Variants in SEMA3A observed in about 807,000 individuals in gnomAD.
SEMA3A encodes semaphorin 3A.
Under a neutral mutation model 97.9 loss-of-function variants are expected in SEMA3A, and 29 were observed. That is an observed-to-expected ratio of 0.30 (90% CI 0.22 to 0.40). SEMA3A has a LOEUF of 0.40. SEMA3A is among the 10% of genes least tolerant of loss of function. The pLI is 1.00. For missense variants in SEMA3A, 763 were observed against 951.3 expected (o/e 0.80, Z 2.60); for synonymous variants, 321 against 323.7 (o/e 0.99, Z 0.09).
At chr7:84,091,192 GAA>G (rs760963691) in intron 4 of SEMA3A, among the ~76,000 whole-genome samples, 3 of 68,376 alleles carry the variant, frequency 4.4e-5, no homozygotes, top group East Asian at 4.2e-4. Flanking sequence ...AAGAAAGAAA[GAA>G]AGAAAGAAAG....
At chr7:84,408,211 C>A (rs1157737252) in intron 1 of SEMA3A, among the ~76,000 whole-genome samples, 2 of 152,092 alleles carry the variant, frequency 1.3e-5, no homozygotes, top group African/African-American at 4.8e-5. Context: ...AAACAAACAA[C>A]CCCATCAACA....
At position 84,407,701 on chromosome 7, in the gene SEMA3A, G is replaced by A. The variant is rs1446694061; in HGVS notation, c.-245-35801C>T. ...GTACTGGTACCAAAACAGAGATGTA[G>A]ACCAATGGAACAGAATAGAGCCCTC... On this transcript the variant is annotated intron_variant, in intron 1 of 3. Coordinates refer to the SEMA3A transcript ENST00000424555. Among the ~76,000 whole-genome samples, 5 of 152,076 alleles carry A rather than the reference G, an allele frequency of 3.3e-5. No homozygotes were observed. The South Asian group carries it at 6.2e-4, about 19-fold the overall frequency.
At chr7:84,112,500 A>C (rs1408367195) in intron 3 of SEMA3A, among the ~76,000 whole-genome samples, 1 of 152,170 alleles carries the variant, frequency 6.6e-6, no homozygotes, top group Non-Finnish European at 1.5e-5. Context: ...GAAATATGAC[A>C]GTGAACTTAC....
chr7:84,262,835 A>G (rs1302561654), intron 3 of SEMA3A, among the ~76,000 whole-genome samples: 1 of 152,204 alleles, frequency 6.6e-6, no homozygotes, highest in Non-Finnish European at 1.5e-5. Flanking sequence ...TGTCAGATGA[A>G]TATTTCAGGA....
intron 2 of SEMA3A, among the ~76,000 whole-genome samples, chr7:84,360,478 C>T (rs1309061025): frequency 6.6e-6 from 1 of 151,982 alleles, no homozygotes; most frequent in Non-Finnish European, 1.5e-5. Context: ...ATCCTGAGTT[C>T]TAGTTTGATT....
At chr7:84,282,015 T>C (rs1159146805) in intron 3 of SEMA3A, among the ~76,000 whole-genome samples, 1 of 152,132 alleles carries the variant, frequency 6.6e-6, no homozygotes, top group Non-Finnish European at 1.5e-5. Flanking sequence ...TGGAATTTCT[T>C]GATTGTCCAT....
chr7:84,214,300 C>T (rs1798695563), intron 3 of SEMA3A, among the ~76,000 whole-genome samples: 1 of 152,190 alleles, frequency 6.6e-6, no homozygotes, highest in Non-Finnish European at 1.5e-5. Context: ...TTCCTCTATA[C>T]AGTTGCAACT....
chr7:84,002,079 T>TAAGTA, intron 11 of SEMA3A, 33 bp from the exon 12 acceptor site: 2 of 1,239,890 alleles, frequency 1.6e-6, no homozygotes, highest in South Asian at 2.4e-5. Context: ...GACCACAAGT[T>TAAGTA]AAGTAGATCT....
At chr7:84,271,050 G>A (rs1800139979) in intron 3 of SEMA3A, among the ~76,000 whole-genome samples, 1 of 151,940 alleles carries the variant, frequency 6.6e-6, no homozygotes, top group South Asian at 2.1e-4. Context: ...ACAAATTTAA[G>A]AATAATTAAA....
At chr7:83,999,960 G>A (rs564600030) in intron 12 of SEMA3A, among the ~76,000 whole-genome samples, 1 of 126,068 alleles carries the variant, frequency 7.9e-6, no homozygotes, top group African/African-American at 2.9e-5. Context: ...TTTATGCATG[G>A]TCTCCTTGAG....
intron 3 of SEMA3A, among the ~76,000 whole-genome samples, chr7:84,240,795 C>A (rs774354970): frequency 6.6e-6 from 1 of 152,232 alleles, no homozygotes; most frequent in South Asian, 2.1e-4. Context: ...GTGATGTCCC[C>A]CTCCCTGGGT....
intron 1 of SEMA3A, among the ~76,000 whole-genome samples, chr7:84,405,065 G>T (rs1804036915): frequency 6.6e-6 from 1 of 152,214 alleles, no homozygotes; most frequent in Non-Finnish European, 1.5e-5. Flanking sequence ...AAATGTAAAT[G>T]GGCTAAATGC....
In SEMA3A at chr7:84,137,909, AC is replaced by A. The variant is rs550306641; in HGVS notation, c.113-2959del. On this transcript the variant is annotated intron_variant, in intron 1 of 16. Coordinates refer to ENST00000265362, the MANE Select transcript of SEMA3A (RefSeq NM_006080.3). ...GAGTTATACAGTTATAAGTAAGAACACAAGCCATCACCACAGTACTTATCTT... is the reference window on the plus strand; with the variant it reads ...GAGTTATACAGTTATAAGTAAGAACAAAGCCATCACCACAGTACTTATCTT... Among the ~76,000 whole-genome samples, 587 of 152,304 alleles carry A rather than the reference AC, an allele frequency of 3.9e-3. 4 individuals carry two copies. Among genetic ancestry groups the A allele is most frequent in the Non-Finnish European group, 6.6e-3 (446 of 68,020 alleles).
intron 3 of SEMA3A, among the ~76,000 whole-genome samples, chr7:84,274,526 G>A (rs752821989): frequency 2.0e-5 from 3 of 151,986 alleles, no homozygotes; most frequent in Admixed American, 2.0e-4. Context: ...AGTGAAACTG[G>A]GAAACATTCC....
chr7:83,989,229 G>C (rs1787061368), intron 12 of SEMA3A, among the ~76,000 whole-genome samples: 2 of 152,090 alleles, frequency 1.3e-5, no homozygotes, highest in Admixed American at 1.3e-4. Flanking sequence ...AAATTAGCTA[G>C]CTCTAAATAC....
chr7:84,146,421 T>A (rs902050212), intron 1 of SEMA3A, among the ~76,000 whole-genome samples: 4 of 151,856 alleles, frequency 2.6e-5, no homozygotes, highest in African/African-American at 9.7e-5. Flanking sequence ...TCTTTCTAAA[T>A]AACTTTCTGG....
chr7:84,406,599 A>G (rs1459480280), intron 1 of SEMA3A, among the ~76,000 whole-genome samples: 1 of 152,180 alleles, frequency 6.6e-6, no homozygotes, highest in African/African-American at 2.4e-5. Flanking sequence ...ACAACAAAAA[A>G]AAAGAGAATT....
intron 1 of SEMA3A, among the ~76,000 whole-genome samples, chr7:84,147,473 T>C (rs916666192): frequency 5.9e-5 from 9 of 152,198 alleles, no homozygotes; most frequent in Admixed American, 2.0e-4. Flanking sequence ...GGGTGTCCCT[T>C]TTTTATGTGA....
chr7:83,981,583 A>G lies in SEMA3A; in HGVS notation c.1495-105T>C, dbSNP rs940179933. Reference sequence around the variant, plus strand: ...TATATAACTTCTCAGAGATAAATTAAGGGTTTAAAAAAATCATCCCTTTAT... The same window carrying G: ...TATATAACTTCTCAGAGATAAATTAGGGGTTTAAAAAAATCATCCCTTTAT... On this transcript the variant is annotated intron_variant, in intron 13 of 16. Coordinates refer to ENST00000265362, the MANE Select transcript of SEMA3A (RefSeq NM_006080.3). 3.0e-6 allele frequency: 3 copies of G among 1,016,874 alleles called. No individual in the cohort carries two copies. In the Admixed American group the frequency reaches 1.1e-4, roughly 36 times the overall value. The allele number at this position is 1,016,874 out of a possible 1,614,324, so 63.0% of individuals were successfully genotyped here. A position where few individuals can be genotyped will look rare whatever the true frequency, so the allele number is the denominator to read the frequency against.
Sources: gnomAD v4.1 joint callset for allele counts (sites outside exome capture counted in the v4.1 genomes callset) on GRCh38, gnomAD v4.1.1 for gene constraint, MANE v1.5 for transcripts, NCBI Gene and HGNC (gene_info 2026-07-23, HGNC 2026-07-21) for gene names.